The following SLAIN2 variants were observed in gnomAD, a reference collection of about 807,000 sequenced individuals.
SLAIN2 encodes SLAIN family member 2.
Under a neutral mutation model 56.6 loss-of-function variants are expected in SLAIN2, and 31 were observed. That is an observed-to-expected ratio of 0.55 (90% CI 0.41 to 0.74). SLAIN2 has a LOEUF of 0.74. Among genes scored for constraint, SLAIN2 ranks in the 30% least tolerant of loss-of-function variants. The pLI is 0.00. For synonymous variants in SLAIN2, 317 were observed against 284.9 expected, an observed-to-expected ratio of 1.11 and a Z score of -1.13; for missense variants, 777 against 754.2, an observed-to-expected ratio of 1.03 and a Z score of -0.35.
At chr4:48,416,475 T>C (rs574599997) in intron 6 of SLAIN2, among the ~76,000 whole-genome samples, 54 of 134,304 alleles carry the variant, frequency 4.0e-4, no homozygotes, top group Non-Finnish European at 7.3e-4. Context: ...GACGATGGGG[T>C]TTTCTAGATA....
intron 1 of SLAIN2, among the ~76,000 whole-genome samples, chr4:48,369,190 C>T (rs1166074899): frequency 6.6e-6 from 1 of 152,134 alleles, no homozygotes; most frequent in East Asian, 1.9e-4. Flanking sequence ...CTGGATTAAT[C>T]TGAGAAACAT....
At chr4:48,372,293 A>G (rs549671021) in intron 2 of SLAIN2, among the ~76,000 whole-genome samples, 1 of 152,328 alleles carries the variant, frequency 6.6e-6, no homozygotes, top group African/African-American at 2.4e-5. Context: ...ACAGTAAACA[A>G]ATAAATAAAA....
intron 6 of SLAIN2, among the ~76,000 whole-genome samples, chr4:48,394,319 A>G (rs6856469): frequency 0.021 from 3,171 of 152,222 alleles, 117 homozygotes; most frequent in African/African-American, 0.072. Flanking sequence ...ATTTTGACCA[A>G]TAGACATATT....
At chr4:48,420,060 T>C in intron 6 of SLAIN2, 65 bp from the exon 7 acceptor site, 1 of 1,505,674 alleles carries the variant, frequency 6.6e-7, no homozygotes, top group Non-Finnish European at 9.1e-7. Flanking sequence ...AGTTGTAATT[T>C]AAAGCAATGG....
At chr4:48,380,259 C>T (rs1362131052) in intron 4 of SLAIN2, among the ~76,000 whole-genome samples, 1 of 152,034 alleles carries the variant, frequency 6.6e-6, no homozygotes, top group East Asian at 1.9e-4. Context: ...TTCCTTTTCT[C>T]CCACACTCCC....
intron 6 of SLAIN2, among the ~76,000 whole-genome samples, chr4:48,401,224 T>C (rs1716545598): frequency 6.6e-6 from 1 of 152,238 alleles, no homozygotes; most frequent in African/African-American, 2.4e-5. Flanking sequence ...GTAAGTGTTG[T>C]GTGGTGATCA....
chr4:48,342,150 G>C, intron 1 of SLAIN2, 22 bp downstream of exon 1: 1 of 1,337,344 alleles, frequency 7.5e-7, no homozygotes, highest in Non-Finnish European at 9.5e-7. Flanking sequence ...GCGCCGGGCA[G>C]GAGCTGGGCG....
chr4:48,372,037 CATATACAT>C (rs1210714290), intron 2 of SLAIN2, among the ~76,000 whole-genome samples: 21 of 138,930 alleles, frequency 1.5e-4, no homozygotes, highest in South Asian at 4.8e-4. Flanking sequence ...CATATATATA[CATATACAT>C]ATATACATAT....
chr4:48,346,213 TTGGTC>T (rs1445108809), intron 1 of SLAIN2, among the ~76,000 whole-genome samples: 1 of 152,206 alleles, frequency 6.6e-6, no homozygotes, highest in Admixed American at 6.5e-5. Flanking sequence ...AGGAATCAGT[TTGGTC>T]TGGACTTTCT....
At chr4:48,395,168 C>T (rs2109772407) in intron 6 of SLAIN2, among the ~76,000 whole-genome samples, 1 of 152,204 alleles carries the variant, frequency 6.6e-6, no homozygotes, top group East Asian at 1.9e-4. Flanking sequence ...GAAGGTCGGA[C>T]ATCAAAGCTG....
chr4:48,406,872 G>A lies in SLAIN2; in HGVS notation c.1361-13253G>A, dbSNP rs549605173. On this transcript the variant is annotated intron_variant, in intron 6 of 7. Coordinates refer to ENST00000264313, the MANE Select transcript of SLAIN2 (RefSeq NM_020846.2). ...AAATGTATTACTCCACCTTCTGCAG[G>A]AATAAAGAATTGTTTCTGTTATAAT... Among the ~76,000 whole-genome samples the A allele has an allele frequency of 2.0e-5, 3 of 152,088 alleles. No individual in the cohort carries two copies. In the East Asian group the frequency reaches 5.8e-4, roughly 29 times the overall value.
intron 6 of SLAIN2, among the ~76,000 whole-genome samples, chr4:48,405,288 C>T (rs1403672974): frequency 6.6e-6 from 1 of 152,182 alleles, no homozygotes. Flanking sequence ...AGTATCTACT[C>T]TTCTGAACTT....
intron 6 of SLAIN2, among the ~76,000 whole-genome samples, chr4:48,419,146 A>C (rs1031885321): frequency 1.0e-4 from 15 of 150,190 alleles, no homozygotes; most frequent in African/African-American, 3.4e-4. Flanking sequence ...TCTGTTGCCC[A>C]GGCTGGAATG....
At position 48,422,196 on chromosome 4, in the gene SLAIN2, CCT is replaced by C; in HGVS notation, c.*124_*125del. ...CTCTTGGGATTTATAAAATCCCAGC[CCT>C]CTCTGTCTTAATTAGCACAAACCGA... On this transcript the variant is annotated 3_prime_UTR_variant, in exon 8 of 8. Coordinates refer to ENST00000264313, the MANE Select transcript of SLAIN2 (RefSeq NM_020846.2). 1 of 747,546 alleles carries C rather than the reference CCT, an allele frequency of 1.3e-6. No homozygotes were observed. Among genetic ancestry groups the C allele is most frequent in the Non-Finnish European group, 2.2e-6 (1 of 447,904 alleles). 46.3% of individuals were successfully genotyped at this position (747,546 alleles called of 1,614,324 possible).
chr4:48,369,780 A>G, intron 1 of SLAIN2, 69 bp from the exon 2 acceptor site: 2 of 1,460,250 alleles, frequency 1.4e-6, no homozygotes, highest in Admixed American at 2.0e-5. Flanking sequence ...AATCGATCCA[A>G]AAGGATCCCT....
At chr4:48,394,547 A>G in intron 6 of SLAIN2, 4 of 1,524,924 alleles carry the variant, frequency 2.6e-6, no homozygotes, top group Non-Finnish European at 3.5e-6. Context: ...ACTTCCAGGC[A>G]AATATTACAG....
chr4:48,401,295 T>G (rs115528807), intron 6 of SLAIN2, among the ~76,000 whole-genome samples: 3,177 of 152,312 alleles, frequency 0.021, 117 homozygotes, highest in African/African-American at 0.073. Context: ...TCAGGTCCAC[T>G]TAATTCAGAG....
chr4:48,356,041 A>G (rs1268183021), intron 1 of SLAIN2, among the ~76,000 whole-genome samples: 3 of 152,192 alleles, frequency 2.0e-5, no homozygotes, highest in African/African-American at 7.2e-5. Context: ...TGCTTTATCA[A>G]CAGTATGAAA....
At chr4:48,382,299 A>G (rs1206106618) in intron 4 of SLAIN2, among the ~76,000 whole-genome samples, 2 of 152,112 alleles carry the variant, frequency 1.3e-5, no homozygotes, top group Non-Finnish European at 2.9e-5. Context: ...TGATTCTACC[A>G]TGTGAGACAG....
Sources: allele counts gnomAD v4.1 joint callset (sites outside exome capture counted in the v4.1 genomes callset), GRCh38; gene constraint gnomAD v4.1.1; transcripts MANE v1.5; gene names NCBI Gene and HGNC (gene_info 2026-07-23, HGNC 2026-07-21).